The following DYRK3 variants were observed in gnomAD, a reference collection of about 807,000 sequenced individuals.
DYRK3 encodes dual specificity tyrosine phosphorylation regulated kinase 3.
DYRK3 carries 30 observed loss-of-function variants against 40.8 expected under a neutral mutation model. The ratio of observed to expected loss-of-function variants is 0.74; its 90% CI spans 0.55 to 1.00. The LOEUF is 1.00. Among genes scored for constraint, DYRK3 ranks in the 50% least tolerant of loss-of-function variants. DYRK3 has a pLI of 0.00. For missense variants in DYRK3, 699 were observed against 731.5 expected (o/e 0.96, Z 0.51); for synonymous variants, 272 against 260.7 (o/e 1.04, Z -0.42).
chr1:206,641,232 A>G (rs562629875), intron 2 of DYRK3, among the ~76,000 whole-genome samples: 2 of 151,992 alleles, frequency 1.3e-5, no homozygotes, highest in South Asian at 2.1e-4. Context: ...TCACTCCTCT[A>G]CCACCCTATC....
intron 2 of DYRK3, among the ~76,000 whole-genome samples, chr1:206,641,189 G>A (rs1553419297): frequency 6.6e-6 from 1 of 151,888 alleles, no homozygotes; most frequent in African/African-American, 2.4e-5. Flanking sequence ...CCCGAGCAGT[G>A]TATACTAGAC....
chr1:206,638,554 G>A (rs147835201), intron 2 of DYRK3, among the ~76,000 whole-genome samples: 391 of 151,250 alleles, frequency 2.6e-3, no homozygotes, highest in African/African-American at 9.1e-3. Context: ...GATTACAGGC[G>A]TGAGCCACCG....
At chr1:206,644,031 CTTTTTTTT>C (rs556718022) in intron 2 of DYRK3, among the ~76,000 whole-genome samples, 2 of 101,050 alleles carry the variant, frequency 2.0e-5, no homozygotes, top group Non-Finnish European at 3.9e-5. Flanking sequence ...GGACCTACAG[CTTTTTTTT>C]TTTTTTTTTT....
At position 206,651,185 on chromosome 1, in the gene DYRK3, C is replaced by T. The variant is rs1553421261; in HGVS notation, c.*2220C>T. On this transcript the variant is annotated 3_prime_UTR_variant, in exon 3 of 3. Coordinates refer to ENST00000367109, the MANE Select transcript of DYRK3 (RefSeq NM_003582.4). Reference sequence around the variant, plus strand: ...TAAATGCTGCTCATAACCCATCCTCCTCTTCTTTATTCATCACTGCCTTCT... The same window carrying T: ...TAAATGCTGCTCATAACCCATCCTCTTCTTCTTTATTCATCACTGCCTTCT... 6.6e-6 allele frequency among the ~76,000 whole-genome samples: 1 copy of T among 152,216 alleles called. No individual in the cohort carries two copies. The highest frequency in any genetic ancestry group is 2.4e-5 in the African/African-American group (1 of 41,464).
chr1:206,654,331 T>G lies in DYRK3; in HGVS notation c.*5366T>G, dbSNP rs1311518271. Among the ~76,000 whole-genome samples, 1 of 152,218 alleles carries G rather than the reference T, an allele frequency of 6.6e-6. No individual in the cohort carries two copies. The highest frequency in any genetic ancestry group is 1.5e-5 in the Non-Finnish European group (1 of 68,038). On this transcript the variant is annotated 3_prime_UTR_variant, in exon 3 of 3. Coordinates refer to ENST00000367109, the MANE Select transcript of DYRK3 (RefSeq NM_003582.4). The stretch of plus-strand genomic sequence containing the variant: ...CCAGAACATGTTTTCCTCCGTGTCT[T>G]CGGTCTAGATGACCAATCTGTAGAA...
rs937631057 is a variant in DYRK3, at chr1:206,650,936, C to G, written c.*1971C>G. Among the ~76,000 whole-genome samples, 6 of 152,196 alleles carry G rather than the reference C, an allele frequency of 3.9e-5. No individual in the cohort carries two copies. The highest frequency in any genetic ancestry group is 8.8e-5 in the Non-Finnish European group (6 of 68,038). On this transcript the variant is annotated 3_prime_UTR_variant, in exon 3 of 3. Transcript: ENST00000367109. ...CTTGGTACTTTTGGTGACTAAGAAACTGGATTATTTAAAACCTTAATTATC... is the reference window on the plus strand; with the variant it reads ...CTTGGTACTTTTGGTGACTAAGAAAGTGGATTATTTAAAACCTTAATTATC...
chr1:206,648,455 C>T lies in DYRK3; in HGVS notation c.1257C>T (p.Ala419=). Residue 419 remains alanine, a synonymous_variant, in exon 3 of 3, where the codon GCC becomes GCT. Transcript: ENST00000367109. ...GAGAGGATGAAGGAGACCAGTTGGC[C>T]TGCATGATGGAGCTTCTAGGGATGC... The part of the protein sequence containing the change: ...FPGEDEGDQL[A]CMMELLGMPP... 1.2e-6 allele frequency: 2 copies of T among 1,614,162 alleles called. No homozygotes were observed. Among genetic ancestry groups the T allele is most frequent in the South Asian group, 2.2e-5 (2 of 91,090 alleles).
At chr1:206,636,939 C>CA in intron 1 of DYRK3, 1 of 1,613,210 alleles carries the variant, frequency 6.2e-7, no homozygotes. Context: ...TTGCCTCCAC[C>CA]ATCCACCAGA....
chr1:206,646,827 C>T (rs1005002325), intron 2 of DYRK3, among the ~76,000 whole-genome samples: 4 of 152,198 alleles, frequency 2.6e-5, no homozygotes, highest in African/African-American at 7.2e-5. Flanking sequence ...CTTGTTTACA[C>T]TTCAGTATGC....
chr1:206,636,873 A>G, intron 1 of DYRK3: 1 of 1,598,922 alleles, frequency 6.3e-7, no homozygotes. Flanking sequence ...GTTCCCTTAC[A>G]GTGGTGGAGC....
Position 206,647,693 on chromosome 1 carries a change from T to C in DYRK3, c.495T>C (p.Tyr165=), listed in dbSNP as rs1671496037. The C allele has an allele frequency of 6.2e-7, 1 of 1,613,980 alleles. No individual in the cohort carries two copies. The highest frequency in any genetic ancestry group is 1.1e-5 in the South Asian group (1 of 91,078). The change falls in exon 3 of 3, where the codon TAT becomes TAC. Residue 165 remains tyrosine (Y), a synonymous_variant. Coordinates refer to ENST00000367109, the MANE Select transcript of DYRK3 (RefSeq NM_003582.4). ...ATGAGAAACTGGAAATAATTAATTATCCAGAAATTTACTTTGTAGGTCCAA... is the reference window on the plus strand; with the variant it reads ...ATGAGAAACTGGAAATAATTAATTACCCAGAAATTTACTTTGTAGGTCCAA... ...TAYEKLEIIN[Y]PEIYFVGPNA...
chr1:206,637,890 G>T, intron 2 of DYRK3, 129 bp downstream of exon 2: 1 of 615,564 alleles, frequency 1.6e-6, no homozygotes, highest in Non-Finnish European at 2.7e-6. Context: ...GATTTCTCTT[G>T]ACTTTGGAAT....
intron 2 of DYRK3, among the ~76,000 whole-genome samples, chr1:206,639,072 G>C (rs573168511): frequency 6.6e-6 from 1 of 151,830 alleles, no homozygotes; most frequent in Non-Finnish European, 1.5e-5. Context: ...GTAGAGACAG[G>C]GTTTCACCAT....
intron 2 of DYRK3, among the ~76,000 whole-genome samples, chr1:206,639,951 T>TTTTTTC (rs1558555580): frequency 6.7e-6 from 1 of 148,160 alleles, no homozygotes; most frequent in African/African-American, 2.5e-5. Flanking sequence ...TTTTTTTTTT[T>TTTTTTC]TGAGACCGAG....
At chr1:206,647,275 A>T in intron 2 of DYRK3, 113 bp from the exon 3 acceptor site, 2 of 1,112,564 alleles carry the variant, frequency 1.8e-6, no homozygotes, top group Non-Finnish European at 2.5e-6. Flanking sequence ...GGGTCATTTT[A>T]ACCTTAAAGT....
chr1:206,644,349 T>A (rs1671388776), intron 2 of DYRK3, among the ~76,000 whole-genome samples: 1 of 151,832 alleles, frequency 6.6e-6, no homozygotes, highest in Admixed American at 6.6e-5. Flanking sequence ...CTACAGCTTT[T>A]AAGTAGTGTA....
intron 2 of DYRK3, among the ~76,000 whole-genome samples, chr1:206,646,101 T>C (rs966958920): frequency 6.6e-6 from 1 of 152,120 alleles, no homozygotes; most frequent in Non-Finnish European, 1.5e-5. Flanking sequence ...CCACCTGCCT[T>C]GGCCTCCCAG....
At chr1:206,647,364 T>G in intron 2 of DYRK3, 24 bp from the exon 3 acceptor site, 1 of 1,556,200 alleles carries the variant, frequency 6.4e-7, no homozygotes, top group South Asian at 1.2e-5. Flanking sequence ...TTTTAATGAC[T>G]TATATTCATT....
chr1:206,638,464 A>G, intron 2 of DYRK3, among the ~76,000 whole-genome samples: 1 of 151,592 alleles, frequency 6.6e-6, no homozygotes, highest in Non-Finnish European at 1.5e-5. Context: ...TTTAGTAGTC[A>G]GGGGTTTCAC....
Sources: gnomAD v4.1 joint callset for allele counts (sites outside exome capture counted in the v4.1 genomes callset) on GRCh38, gnomAD v4.1.1 for gene constraint, MANE v1.5 for transcripts, NCBI Gene and HGNC (gene_info 2026-07-23, HGNC 2026-07-21) for gene names.